The following MBD1 variants were observed in gnomAD, a reference collection of about 807,000 sequenced individuals.
MBD1 encodes methyl-CpG binding domain protein 1, also known as methyl-CpG-binding domain protein 1.
Under a neutral mutation model 82.6 loss-of-function variants are expected in MBD1, and 25 were observed. That is an observed-to-expected ratio of 0.30 (90% confidence interval 0.22 to 0.42). The LOEUF (loss-of-function observed/expected upper bound fraction) is 0.42. Ranked by LOEUF, MBD1 falls within the 10% of genes least tolerant of loss-of-function variation. The pLI is 1.00. For missense variants in MBD1, 627 were observed against 819.6 expected (o/e 0.76, Z 2.87); for synonymous variants, 301 against 303.7 (o/e 0.99, Z 0.09).
intron 16 of MBD1, 107 bp downstream of exon 16, chr18:50,271,362 G>A: frequency 6.3e-7 from 1 of 1,595,852 alleles, no homozygotes; most frequent in South Asian, 1.1e-5. Context: ...TTGGTAGTAG[G>A]TTTTTCCTCC....
At chr18:50,276,583 T>A in intron 5 of MBD1, 79 bp downstream of exon 5, 1 of 1,544,612 alleles carries the variant, frequency 6.5e-7, no homozygotes, top group Non-Finnish European at 8.9e-7. Context: ...GACATCCACA[T>A]TCAAACCCCA....
intron 1 of MBD1, chr18:50,281,099 TC>T (rs1052218940): frequency 9.5e-6 from 14 of 1,475,918 alleles, no homozygotes; most frequent in African/African-American, 2.8e-5. Context: ...CCCCGATGTC[TC>T]CCTTTAGCGT....
downstream of MBD1, among the ~76,000 whole-genome samples, chr18:50,268,156 G>A (rs915900934): frequency 6.6e-6 from 1 of 152,226 alleles, no homozygotes; most frequent in Non-Finnish European, 1.5e-5. Context: ...CCCGCCCGTC[G>A]GTCCGGGCGG....
At chr18:50,272,329 A>T (rs548019205) in intron 15 of MBD1, 3 of 346,482 alleles carry the variant, frequency 8.7e-6, no homozygotes, top group African/African-American at 6.3e-5. Flanking sequence ...GACCCAAATG[A>T]TTATTCTCTG....
At position 50,281,345 on chromosome 18, in the gene MBD1, G is replaced by C. The variant is rs2040209585; in HGVS notation, c.-26+18C>G. 1.0e-6 allele frequency: 1 copy of C among 957,886 alleles called. No individual in the cohort carries two copies. Among genetic ancestry groups the C allele is most frequent in the Admixed American group, 2.0e-5 (1 of 49,334 alleles). 59.3% of individuals were successfully genotyped at this position (957,886 alleles called of 1,614,324 possible). On this transcript the variant is annotated intron_variant, in intron 1 of 16. Transcript: ENST00000269468. ...TCCGCCTGAGCGCTCTCCACGTCCA[G>C]CCCCAAGGCTGTCTCACCAGTTTGG...
intron 1 of MBD1, among the ~76,000 whole-genome samples, chr18:50,280,678 C>T (rs774370959): frequency 6.6e-6 from 1 of 151,856 alleles, no homozygotes; most frequent in Non-Finnish European, 1.5e-5. Flanking sequence ...CCTCCCATGC[C>T]TCCCCTTCCT....
upstream of MBD1, chr18:50,281,631 G>C (rs1156518663): frequency 4.5e-6 from 2 of 441,922 alleles, no homozygotes; most frequent in Non-Finnish European, 8.0e-6. Context: ...CCGCGCCTAC[G>C]GGCCGGCGCT....
chr18:50,272,012 C>T (rs764579588), intron 15 of MBD1, among the ~76,000 whole-genome samples: 2 of 152,196 alleles, frequency 1.3e-5, no homozygotes, highest in Non-Finnish European at 2.9e-5. Flanking sequence ...CAGGCATCTA[C>T]CCTTTGTTCT....
chr18:50,270,085 C>T (rs1568180860), intron 16 of MBD1: 1 of 1,598,058 alleles, frequency 6.3e-7, no homozygotes, highest in Non-Finnish European at 8.5e-7. Flanking sequence ...GTGGTTGGTT[C>T]CTGGGGGAAA....
In MBD1 at chr18:50,280,017, C is replaced by T. The variant is rs530759327; in HGVS notation, c.-25G>A. Reference sequence around the variant, plus strand: ...TGGAGGCCACAGGAAGCAGCAGTAGCCTGAAAGGGGGTGGAAGGGATGAGG... The same window carrying T: ...TGGAGGCCACAGGAAGCAGCAGTAGTCTGAAAGGGGGTGGAAGGGATGAGG... On this transcript the variant is annotated splice_region_variant and 5_prime_UTR_variant, in exon 2 of 17. Coordinates refer to ENST00000269468, the MANE Select transcript of MBD1 (RefSeq NM_015846.4). 1.8e-5 allele frequency: 29 copies of T among 1,601,868 alleles called. No individual in the cohort carries two copies. The East Asian group carries it at 5.4e-4, about 30-fold the overall frequency.
rs2039551907 is a variant in MBD1 at position 50,279,895 on chromosome 18, G to T, written c.98C>A (p.Thr33Asn). ...KSGATCGRSD[T>N]YYQSPTGDRI... The stretch of plus-strand genomic sequence containing the variant: ...ACCCACCCAGTACCTCTGGTAATAG[G>T]TGTCTGAGCGTCCACAGGTGGCCCC... Residue 33 changes from threonine to asparagine, a missense_variant, in exon 2 of 17, where the codon ACC (threonine) becomes AAC (asparagine). Physicochemically the swap from Thr to Asn is moderately conservative, Grantham distance 65 (BLOSUM62 0). This residue lies in a region of MBD1 where 42 missense variants were observed against 90.4 expected (regional missense o/e 0.46). Coordinates refer to ENST00000269468, the MANE Select transcript of MBD1 (RefSeq NM_015846.4). 1 of 1,613,862 alleles carries T rather than the reference G, an allele frequency of 6.2e-7. No homozygotes were observed. Among genetic ancestry groups the T allele is most frequent in the Non-Finnish European group, 8.5e-7 (1 of 1,180,008 alleles).
Position 50,273,553 on chromosome 18 carries a change from G to T in MBD1, c.1446+11C>A. ...TGAGGCTGGGAAGGCAGGACAGGGT[G>T]GGGCCCTCACCTGCAACAGGGCTTC... On this transcript the variant is annotated intron_variant, in intron 12 of 16. Coordinates refer to ENST00000269468, the MANE Select transcript of MBD1 (RefSeq NM_015846.4). 1 of 1,612,928 alleles carries T rather than the reference G, an allele frequency of 6.2e-7. No individual in the cohort carries two copies. The highest frequency in any genetic ancestry group is 2.2e-5 in the East Asian group (1 of 44,890).
In MBD1 at chr18:50,275,819, C is replaced by T. The variant is rs2037641389; in HGVS notation, c.663+16G>A. 1 of 1,614,070 alleles carries T rather than the reference C, an allele frequency of 6.2e-7. No individual in the cohort carries two copies. Among genetic ancestry groups the T allele is most frequent in the Non-Finnish European group, 8.5e-7 (1 of 1,180,046 alleles). The stretch of plus-strand genomic sequence containing the variant: ...GCCGAGGTGAGCCTTGGGCTCTTTC[C>T]ACTTGCCCAACTCACCCTTTCCACA... On this transcript the variant is annotated intron_variant, in intron 7 of 16. Coordinates refer to ENST00000269468, the MANE Select transcript of MBD1 (RefSeq NM_015846.4).
At chr18:50,268,002 T>C (rs923456139), downstream of MBD1, among the ~76,000 whole-genome samples, 21 of 152,264 alleles carry the variant, frequency 1.4e-4, no homozygotes, top group African/African-American at 4.6e-4. Flanking sequence ...GTTCTTTCAA[T>C]TGCAGTTCAG....
Position 50,274,274 on chromosome 18 carries a change from C to T in MBD1, c.1058G>A (p.Cys353Tyr). 6.2e-7 allele frequency: 1 copy of T among 1,613,906 alleles called. No individual in the cohort carries two copies. The highest frequency in any genetic ancestry group is 8.5e-7 in the Non-Finnish European group (1 of 1,180,014). ...ACLRRMDCGRCDFCCDKPKFG... is the reference protein window; with the variant it reads ...ACLRRMDCGRYDFCCDKPKFG... ...TTTGGGCTTGTCGCAGCAGAAGTCG[C>T]AGCGGCCACAGTCCATCCGCCGTAG... Residue 353 changes from cysteine to tyrosine, a missense_variant, in exon 11 of 17, where the codon TGC becomes TAC. Transcript: ENST00000269468.
In MBD1 at chr18:50,268,857, ATAAAAATT is replaced by A; in HGVS notation, c.*986_*993del. The A allele has an allele frequency of 1.1e-6, 1 of 945,592 alleles. No individual in the cohort carries two copies. The highest frequency in any genetic ancestry group is 4.9e-5 in the South Asian group (1 of 20,440). 58.6% of individuals were successfully genotyped at this position (945,592 alleles called of 1,614,324 possible). On this transcript the variant is annotated 3_prime_UTR_variant, in exon 17 of 17. Coordinates refer to ENST00000269468, the MANE Select transcript of MBD1 (RefSeq NM_015846.4). Reference sequence around the variant, plus strand: ...ACTAAGCATGTAAGTAAGTGGGACAATAAAAATTTAAAAATAATTTTAAAATAGAACAG... The same window carrying A: ...ACTAAGCATGTAAGTAAGTGGGACAATAAAAATAATTTTAAAATAGAACAG...
At chr18:50,268,097 A>T (rs188044037), downstream of MBD1, among the ~76,000 whole-genome samples, 4 of 152,306 alleles carry the variant, frequency 2.6e-5, no homozygotes, top group East Asian at 7.7e-4. Context: ...GGTTTCCTGG[A>T]GTGTCCAGAG....
chr18:50,271,471 TGAATCCTACAGTCTGTA>T lies in MBD1; in HGVS notation c.*13_*29del. ...TAAAGCCAGTCTGCAAATATCACCT[TGAATCCTACAGTCTGTA>T]GAAGCCTCCAGTCTACTGCTTTCTA... On this transcript the variant is annotated 3_prime_UTR_variant, in exon 16 of 17. Transcript: ENST00000269468. 6.2e-7 allele frequency: 1 copy of T among 1,614,182 alleles called. No individual in the cohort carries two copies. The highest frequency in any genetic ancestry group is 8.5e-7 in the Non-Finnish European group (1 of 1,180,022).
chr18:50,274,650 C>T (rs1160700398), intron 10 of MBD1, among the ~76,000 whole-genome samples: 1 of 152,180 alleles, frequency 6.6e-6, no homozygotes, highest in Non-Finnish European at 1.5e-5. Flanking sequence ...TCTCTGACCC[C>T]CATTTCCAGC....
Sources: allele counts gnomAD v4.1 joint callset (sites outside exome capture counted in the v4.1 genomes callset), GRCh38; gene constraint gnomAD v4.1.1; regional missense constraint gnomAD v4.1.1; transcripts MANE v1.5; gene names NCBI Gene and HGNC (gene_info 2026-07-23, HGNC 2026-07-21).